Variants in DGKD observed in about 807,000 individuals in gnomAD.
DGKD encodes the protein diacylglycerol kinase delta.
In DGKD, 68 loss-of-function variants were observed where a neutral mutation model predicts 154.4. The observed-to-expected ratio is 0.44, with a 90% CI of 0.36 to 0.54. The LOEUF (loss-of-function observed/expected upper bound fraction) is 0.54. DGKD is among the 20% of genes least tolerant of loss of function. The pLI is 0.00. For missense variants in DGKD, 1,343 were observed against 1,593.6 expected (o/e 0.84, Z 2.68); for synonymous variants, 693 against 638.0 (o/e 1.09, Z -1.30).
intron 27 of DGKD, 61 bp downstream of exon 27, chr2:233,464,344 C>A: frequency 6.3e-7 from 1 of 1,591,828 alleles, no homozygotes; most frequent in Non-Finnish European, 8.6e-7. Flanking sequence ...GCCTGAAGTG[C>A]CTGTGTTCCT....
At chr2:233,415,734 G>A (rs918372293) in intron 3 of DGKD, among the ~76,000 whole-genome samples, 16 of 152,068 alleles carry the variant, frequency 1.1e-4, no homozygotes, top group African/African-American at 3.9e-4. Context: ...AGTGATTCCC[G>A]CACCTTAGCC....
At chr2:233,443,608 G>A (rs1348571556) in intron 10 of DGKD, among the ~76,000 whole-genome samples, 1 of 152,174 alleles carries the variant, frequency 6.6e-6, no homozygotes, top group Non-Finnish European at 1.5e-5. Context: ...TGACGTGGAT[G>A]TATTTTTCAG....
intron 1 of DGKD, among the ~76,000 whole-genome samples, chr2:233,364,433 A>G (rs958884165): frequency 6.6e-6 from 1 of 152,236 alleles, no homozygotes; most frequent in East Asian, 1.9e-4. Flanking sequence ...AACTATAAAA[A>G]TTATGCCTTT....
At chr2:233,451,930 C>A in intron 17 of DGKD, 34 bp from the exon 18 acceptor site, 1 of 1,597,338 alleles carries the variant, frequency 6.3e-7, no homozygotes, top group Non-Finnish European at 8.6e-7. Context: ...TAGCTCCTGA[C>A]CAGCACCACC....
chr2:233,354,586 A>T lies in DGKD; in HGVS notation c.68A>T (p.Glu23Val). The change falls in exon 1 of 30, where the codon GAG (glutamate) becomes GTG (valine). Residue 23 changes from glutamate to valine, a missense_variant. Glu to Val is a moderately radical substitution (Grantham distance 121). This residue lies in a region of DGKD where 57 missense variants were observed against 27.8 expected (regional missense o/e 2.05). Coordinates refer to ENST00000264057, the MANE Select transcript of DGKD (RefSeq NM_152879.3). This position sits in a 1 kb window ranked among gnomAD's most constrained non-coding sequence, Gnocchi z 4.8. Reference sequence around the variant, plus strand: ...CCGCCTCCGCCGCCGCCGCCCGAGGAGTCGTCCGACAGCGAGCCCGAGGCG... The same window carrying T: ...CCGCCTCCGCCGCCGCCGCCCGAGGTGTCGTCCGACAGCGAGCCCGAGGCG... ...PQPPPPPPPEESSDSEPEAEP... is the reference protein window; with the variant it reads ...PQPPPPPPPEVSSDSEPEAEP... The T allele has an allele frequency of 9.0e-7, 1 of 1,105,296 alleles. No homozygotes were observed. Among genetic ancestry groups the T allele is most frequent in the South Asian group, 2.0e-5 (1 of 49,100 alleles). 68.5% of individuals were successfully genotyped at this position (1,105,296 alleles called of 1,614,324 possible).
intron 1 of DGKD, among the ~76,000 whole-genome samples, chr2:233,375,401 TAAAA>T (rs1484015771): frequency 6.6e-6 from 1 of 151,994 alleles, no homozygotes; most frequent in Non-Finnish European, 1.5e-5. Context: ...CTTAAGTAAA[TAAAA>T]AGTAACCTCC....
rs1231760016 is a variant in DGKD, at chr2:233,468,494, T to A, written c.3496T>A (p.Phe1166Ile). ...CAGTCTCTGTGAGTATAAGGACATC[T>A]TCACACGGCACGACATCCGGGGCTC... ...HLSLCEYKDI[F>I]TRHDIRGSEL... The change falls in exon 29 of 30, where the codon TTC becomes ATC. Residue 1166 changes from phenylalanine (F) to isoleucine (I), a missense_variant. Transcript: ENST00000264057. 2 of 1,613,584 alleles carry A rather than the reference T, an allele frequency of 1.2e-6. No individual in the cohort carries two copies. The highest frequency in any genetic ancestry group is 2.7e-5 in the African/African-American group (2 of 74,764).
chr2:233,422,622 A>G (rs777543020), intron 3 of DGKD, among the ~76,000 whole-genome samples: 1 of 152,216 alleles, frequency 6.6e-6, no homozygotes, highest in Non-Finnish European at 1.5e-5. Context: ...ACTTTAGATA[A>G]GATTACACTT....
chr2:233,367,981 C>T (rs1435918589), intron 1 of DGKD, among the ~76,000 whole-genome samples: 1 of 151,666 alleles, frequency 6.6e-6, no homozygotes, highest in Non-Finnish European at 1.5e-5. Context: ...CATGAGCCAC[C>T]TTGCCTGACC....
In DGKD at chr2:233,449,505, G is replaced by A; in HGVS notation, c.1888+129G>A. 5.3e-6 allele frequency: 7 copies of A among 1,314,182 alleles called. No individual in the cohort carries two copies. The highest frequency in any genetic ancestry group is 7.1e-6 in the Non-Finnish European group (7 of 984,036). 81.4% of individuals were successfully genotyped at this position (1,314,182 alleles called of 1,614,324 possible). A position where few individuals can be genotyped will look rare whatever the true frequency, so the allele number is the denominator to read the frequency against. ...CTCCACTGCGGCCCTCTCCACCCAT[G>A]TCCAGGCACCAGACCCCCAACGAGT... On this transcript the variant is annotated intron_variant, in intron 15 of 29. Transcript: ENST00000264057. This position sits in a 1 kb window ranked among gnomAD's most constrained non-coding sequence, Gnocchi z 5.3.
chr2:233,428,433 G>C (rs1054657703), intron 3 of DGKD, among the ~76,000 whole-genome samples: 1 of 152,174 alleles, frequency 6.6e-6, no homozygotes, highest in Non-Finnish European at 1.5e-5. Context: ...GCTCACATGG[G>C]AAAGGGGTCT....
intron 24 of DGKD, among the ~76,000 whole-genome samples, chr2:233,461,486 T>C (rs1171636223): frequency 2.6e-4 from 40 of 152,262 alleles, no homozygotes; most frequent in Admixed American, 2.6e-3. Context: ...CAGTCCTTCC[T>C]GGCGCTGCAT....
intron 27 of DGKD, among the ~76,000 whole-genome samples, chr2:233,465,975 C>A (rs1385692316): frequency 2.0e-5 from 3 of 152,078 alleles, no homozygotes; most frequent in Non-Finnish European, 4.4e-5. Flanking sequence ...AAAAGAGGAT[C>A]ACTTTACATT....
chr2:233,451,993 C>G lies in DGKD; in HGVS notation c.2197C>G (p.Pro733Ala), dbSNP rs761454022. 2.3e-5 allele frequency: 37 copies of G among 1,613,912 alleles called. 1 individual carries two copies. The highest frequency in any genetic ancestry group is 1.1e-5 in the South Asian group (1 of 91,082). ...CCGGGCTGGAATGTCTGGTTCCTTA[C>G]CCGGTGGCTCAGTCATCAGTCGCCT... The part of the protein sequence containing the change: ...NVRAGMSGSL[P>A]GGSVISRLLI... Residue 733 changes from proline (P) to alanine (A), a missense_variant, in exon 18 of 30, where the codon CCC becomes GCC. Pro to Ala is a conservative substitution (Grantham distance 27, BLOSUM62 -1). This residue lies in a region of DGKD where 409 missense variants were observed against 446.0 expected (regional missense o/e 0.92). Coordinates refer to ENST00000264057, the MANE Select transcript of DGKD (RefSeq NM_152879.3).
At chr2:233,455,118 G>A (rs2063414329) in intron 19 of DGKD, among the ~76,000 whole-genome samples, 1 of 152,212 alleles carries the variant, frequency 6.6e-6, no homozygotes. Flanking sequence ...GTGGTCATTG[G>A]AATGGCGGCA....
chr2:233,430,820 G>A (rs981705811), intron 3 of DGKD, among the ~76,000 whole-genome samples: 9 of 152,152 alleles, frequency 5.9e-5, no homozygotes, highest in African/African-American at 2.2e-4. Context: ...ATGTTTGTCA[G>A]TACTGGATAG....
intron 1 of DGKD, among the ~76,000 whole-genome samples, chr2:233,369,496 G>T (rs1279416569): frequency 6.6e-6 from 1 of 152,148 alleles, no homozygotes; most frequent in East Asian, 1.9e-4. Flanking sequence ...CTTAGGACAA[G>T]AATCACATCT....
At chr2:233,396,051 C>T (rs1453421027) in intron 3 of DGKD, among the ~76,000 whole-genome samples, 2 of 152,170 alleles carry the variant, frequency 1.3e-5, no homozygotes, top group African/African-American at 4.8e-5. Flanking sequence ...GGTCTGTTTT[C>T]CAGAAAGGAA....
At chr2:233,398,446 A>G (rs987664196) in intron 3 of DGKD, among the ~76,000 whole-genome samples, 3 of 151,896 alleles carry the variant, frequency 2.0e-5, no homozygotes, top group Admixed American at 6.5e-5. Context: ...CGCCCGGCCA[A>G]TAGGTAAAAT....
Sources: gnomAD v4.1 joint callset for allele counts (sites outside exome capture counted in the v4.1 genomes callset) on GRCh38, gnomAD v4.1.1 for gene constraint, gnomAD v4.1.1 regional missense constraint, Gnocchi (gnomAD v3.1) non-coding constraint, MANE v1.5 for transcripts, NCBI Gene and HGNC (gene_info 2026-07-23, HGNC 2026-07-21) for gene names.